PCDHA6: variants seen among roughly 807,000 people sequenced by gnomAD.
The protein encoded by PCDHA6 is protocadherin alpha-6.
Under a neutral mutation model 60.3 loss-of-function variants are expected in PCDHA6, and 55 were observed. That is an observed-to-expected ratio of 0.91 (90% CI 0.73 to 1.14). The LOEUF is 1.14. Among genes scored for constraint, PCDHA6 ranks in the 50% most tolerant of loss-of-function variants. The pLI is 0.00. For synonymous variants in PCDHA6, 652 were observed against 557.9 expected, an observed-to-expected ratio of 1.17 and a Z score of -2.38; for missense variants, 1,327 against 1,256.5, an observed-to-expected ratio of 1.06 and a Z score of -0.85.
chr5:140,842,193 A>G, intron 1 of PCDHA6: 1 of 1,613,816 alleles, frequency 6.2e-7, no homozygotes, highest in Non-Finnish European at 8.5e-7. Context: ...ATGGTTATTG[A>G]CCACTTTAGC....
intron 1 of PCDHA6, chr5:140,850,632 C>G: frequency 6.3e-7 from 1 of 1,598,646 alleles, no homozygotes; most frequent in Non-Finnish European, 8.6e-7. Context: ...CCTGTTGGTT[C>G]TCACGCTGCT....
chr5:140,962,087 A>G (rs1284028102), intron 1 of PCDHA6, among the ~76,000 whole-genome samples: 10 of 151,912 alleles, frequency 6.6e-5, no homozygotes, highest in Non-Finnish European at 1.3e-4. Flanking sequence ...GGGTTTCACC[A>G]TGTTAGCCAG....
chr5:140,946,609 G>GAA, intron 1 of PCDHA6, among the ~76,000 whole-genome samples: 1 of 68,674 alleles, frequency 1.5e-5, no homozygotes, highest in Non-Finnish European at 2.7e-5. Flanking sequence ...AAGAAAATGT[G>GAA]AAATATATAT....
intron 1 of PCDHA6, among the ~76,000 whole-genome samples, chr5:140,905,859 A>T (rs2072155643): frequency 1.3e-5 from 2 of 152,192 alleles, no homozygotes; most frequent in Non-Finnish European, 2.9e-5. Context: ...GTATTAACTC[A>T]CACAATCACA....
intron 1 of PCDHA6, chr5:140,853,229 A>G (rs2042677990): frequency 2.0e-6 from 2 of 981,308 alleles, no homozygotes; most frequent in Admixed American, 1.3e-4. Flanking sequence ...TTGGTAATTT[A>G]GTCCTTCATA....
rs915171063 is a variant in PCDHA6 at position 140,977,108 on chromosome 5, T to C, written c.2395-1841T>C. On this transcript the variant is annotated intron_variant, in intron 1 of 3. Transcript: ENST00000529310. ...AAATGTGTCATTGGGGAAGTGAGAT[T>C]GTATAATGAACTGAGTTTCCTGGTC... 6.6e-5 allele frequency among the ~76,000 whole-genome samples: 10 copies of C among 152,302 alleles called. No homozygotes were observed. The East Asian group carries it at 1.9e-3, about 29-fold the overall frequency.
At chr5:140,926,973 G>A in intron 1 of PCDHA6, 3 of 1,609,762 alleles carry the variant, frequency 1.9e-6, no homozygotes, top group African/African-American at 1.3e-5. Context: ...ACTCAGTGCC[G>A]GAGGAGACGG....
intron 1 of PCDHA6, among the ~76,000 whole-genome samples, chr5:140,914,530 C>T (rs1305035760): frequency 1.3e-5 from 2 of 152,096 alleles, no homozygotes; most frequent in African/African-American, 2.4e-5. Flanking sequence ...ATCCATTCAG[C>T]CACTTTATTT....
chr5:140,897,636 C>A (rs2066236074), intron 1 of PCDHA6, among the ~76,000 whole-genome samples: 1 of 152,038 alleles, frequency 6.6e-6, no homozygotes, highest in African/African-American at 2.4e-5. Context: ...GTGTATAGTG[C>A]CACAATAAAC....
chr5:140,828,666 T>C lies in PCDHA6; in HGVS notation c.575T>C (p.Ile192Thr), dbSNP rs111411595. ...VKINSDDNKQ[I>T]GLLLKKSLDR... The stretch of plus-strand genomic sequence containing the variant: ...ATAAACAGTGATGACAATAAACAAA[T>C]TGGGCTCTTATTAAAGAAATCCTTG... Residue 192 changes from isoleucine (I) to threonine (T), a missense_variant, in exon 1 of 4, where the codon ATT becomes ACT. Coordinates refer to ENST00000529310, the MANE Select transcript of PCDHA6 (RefSeq NM_018909.4). 181 of 1,614,044 alleles carry C rather than the reference T, an allele frequency of 1.1e-4. No individual in the cohort carries two copies. The highest frequency in any genetic ancestry group is 1.7e-4 in the African/African-American group (13 of 74,926).
At chr5:140,966,677 A>C in intron 1 of PCDHA6, 1 of 1,313,088 alleles carries the variant, frequency 7.6e-7, no homozygotes, top group Non-Finnish European at 9.8e-7. Flanking sequence ...GCAGGGTGGC[A>C]CGAGCGGAGG....
At chr5:140,877,487 A>G in intron 1 of PCDHA6, 1 of 1,613,822 alleles carries the variant, frequency 6.2e-7, no homozygotes, top group Non-Finnish European at 8.5e-7. Context: ...CTGGTGGAGA[A>G]CGGCCAGGCC....
intron 1 of PCDHA6, chr5:140,968,491 T>C: frequency 6.2e-7 from 1 of 1,614,130 alleles, no homozygotes; most frequent in Non-Finnish European, 8.5e-7. Flanking sequence ...TGAATGACCA[T>C]GCCCCTCACA....
chr5:140,970,927 G>A (rs1481513155), intron 1 of PCDHA6, among the ~76,000 whole-genome samples: 2 of 152,150 alleles, frequency 1.3e-5, no homozygotes, highest in African/African-American at 4.8e-5. Flanking sequence ...GAAGTGCCTG[G>A]TGTTAGTCAA....
chr5:140,843,854 A>G, intron 1 of PCDHA6: 1 of 943,502 alleles, frequency 1.1e-6, no homozygotes, highest in Non-Finnish European at 1.6e-6. Flanking sequence ...ACCTTTTATA[A>G]TTAATTGAAT....
chr5:140,933,695 G>A lies in PCDHA6; in HGVS notation c.2395-45254G>A, dbSNP rs575994908. On this transcript the variant is annotated intron_variant, in intron 1 of 3. Coordinates refer to ENST00000529310, the MANE Select transcript of PCDHA6 (RefSeq NM_018909.4). ...TCTCACATTTTTTTTCCTATTCCTCGGACACATTTACTGAGATTGGTGATA... is the reference window on the plus strand; with the variant it reads ...TCTCACATTTTTTTTCCTATTCCTCAGACACATTTACTGAGATTGGTGATA... Among the ~76,000 whole-genome samples the A allele has an allele frequency of 1.8e-4, 27 of 151,494 alleles. 1 individual carries two copies. The South Asian group carries it at 3.7e-3, about 21-fold the overall frequency.
chr5:140,960,249 T>C (rs2095534563), intron 1 of PCDHA6, among the ~76,000 whole-genome samples: 1 of 152,210 alleles, frequency 6.6e-6, no homozygotes, highest in African/African-American at 2.4e-5. Flanking sequence ...AGAAGCTTCC[T>C]GGAGCTTCTG....
intron 1 of PCDHA6, chr5:140,869,464 G>C: frequency 6.2e-7 from 1 of 1,614,198 alleles, no homozygotes; most frequent in Non-Finnish European, 8.5e-7. Context: ...CCATGTGAAC[G>C]TGGAGGTGAA....
At position 140,830,321 on chromosome 5, in the gene PCDHA6, G is replaced by T. The variant is rs2150184954; in HGVS notation, c.2230G>T (p.Ala744Ser). 3 of 1,613,998 alleles carry T rather than the reference G, an allele frequency of 1.9e-6. No individual in the cohort carries two copies. Among genetic ancestry groups the T allele is most frequent in the Admixed American group, 1.7e-5 (1 of 60,022 alleles). The change falls in exon 1 of 4, where the codon GCA becomes TCA. Residue 744 changes from alanine to serine, a missense_variant. Coordinates refer to ENST00000529310, the MANE Select transcript of PCDHA6 (RefSeq NM_018909.4). The stretch of plus-strand genomic sequence containing the variant: ...CAAGCCCACGCTGGTGTGCTCCAGC[G>T]CAGTGGGGAGCTGGTCGTACTCGCA... ...ADKPTLVCSS[A>S]VGSWSYSQQR...
Sources: gnomAD v4.1 joint callset for allele counts (sites outside exome capture counted in the v4.1 genomes callset) on GRCh38, gnomAD v4.1.1 for gene constraint, MANE v1.5 for transcripts, NCBI Gene and HGNC (gene_info 2026-07-23, HGNC 2026-07-21) for gene names.